Variants in IFTAP observed in about 807,000 individuals in gnomAD.
IFTAP encodes intraflagellar transport-associated protein.
In IFTAP, 19 loss-of-function variants were observed where a neutral mutation model predicts 19.4. The observed-to-expected ratio is 0.98, with a 90% CI of 0.68 to 1.44. IFTAP has a LOEUF of 1.44. IFTAP is among the 40% of genes most tolerant of loss of function. The pLI is 0.00. For synonymous variants in IFTAP, 85 were observed against 83.5 expected (o/e 1.02, Z -0.10); for missense variants, 240 against 253.6 (o/e 0.95, Z 0.36).
intron 2 of IFTAP, among the ~76,000 whole-genome samples, chr11:36,628,043 A>C (rs1391614128): frequency 6.7e-6 from 1 of 149,538 alleles, no homozygotes; most frequent in Non-Finnish European, 1.5e-5. Context: ...TCAGGCCACC[A>C]TAGCTGAAGC....
chr11:36,636,759 T>C (rs913501601), intron 4 of IFTAP, among the ~76,000 whole-genome samples: 6 of 147,286 alleles, frequency 4.1e-5, no homozygotes, highest in African/African-American at 1.6e-4. Flanking sequence ...TGTAAATGTT[T>C]CTTCTGAGGC....
At chr11:36,642,282 A>G (rs11033732) in intron 4 of IFTAP, among the ~76,000 whole-genome samples, 20,575 of 152,156 alleles carry the variant, frequency 0.14, 2,130 homozygotes, top group African/African-American at 0.29. Context: ...TCCTGGACAC[A>G]TACACCCTTC....
At position 36,599,214 on chromosome 11, in the gene IFTAP, A is replaced by T. The variant is rs972975538; in HGVS notation, c.-24+4622A>T. 6.6e-5 allele frequency among the ~76,000 whole-genome samples: 10 copies of T among 152,294 alleles called. No homozygotes were observed. In the South Asian group the frequency reaches 2.1e-3, roughly 32 times the overall value. ...TTGCCATGTTGGCCAGGCTGGTCTCAAACTCCTGACCTTGGGTGACCCACC... is the reference window on the plus strand; with the variant it reads ...TTGCCATGTTGGCCAGGCTGGTCTCTAACTCCTGACCTTGGGTGACCCACC... On this transcript the variant is annotated intron_variant, in intron 1 of 5. Transcript: ENST00000334307.
intron 1 of IFTAP, among the ~76,000 whole-genome samples, chr11:36,606,878 C>T (rs761183975): frequency 3.9e-5 from 6 of 152,150 alleles, no homozygotes; most frequent in Admixed American, 1.3e-4. Flanking sequence ...TAATAGCCAC[C>T]TTTGAGTTTA....
intron 1 of IFTAP, among the ~76,000 whole-genome samples, chr11:36,609,732 G>T (rs1851807640): frequency 6.6e-6 from 1 of 152,114 alleles, no homozygotes; most frequent in Non-Finnish European, 1.5e-5. Flanking sequence ...ATTGCCATTG[G>T]ATGGGTGGTT....
intron 1 of IFTAP, among the ~76,000 whole-genome samples, chr11:36,595,937 G>T (rs1054945841): frequency 6.6e-6 from 1 of 152,138 alleles, no homozygotes; most frequent in African/African-American, 2.4e-5. Flanking sequence ...TATGATGAGG[G>T]TGCTGGTAGT....
intron 2 of IFTAP, among the ~76,000 whole-genome samples, chr11:36,619,859 G>A (rs1852230827): frequency 6.6e-6 from 1 of 152,050 alleles, no homozygotes; most frequent in Admixed American, 6.6e-5. Context: ...GAAAAAAAAG[G>A]CAACTCGGGA....
At chr11:36,657,265 C>T (rs1195433793) in intron 5 of IFTAP, among the ~76,000 whole-genome samples, 2 of 152,118 alleles carry the variant, frequency 1.3e-5, no homozygotes, top group Admixed American at 1.3e-4. Flanking sequence ...GAACAGTTAA[C>T]ATTCAGGAAA....
Position 36,648,063 on chromosome 11 carries a change from A to T in IFTAP, c.406A>T (p.Ile136Phe). The change falls in exon 5 of 6, where the codon ATT (isoleucine) becomes TTT (phenylalanine). Residue 136 changes from isoleucine to phenylalanine, a missense_variant. Transcript: ENST00000334307. ...AGTGGAGCAGGATGTAAGCACCAGC[A>T]TTCCTTCCTGTATCCCTTTTGTGGC... The part of the protein sequence containing the change: ...GEVEQDVSTS[I>F]PSCIPFVAQP... 6.2e-7 allele frequency: 1 copy of T among 1,613,430 alleles called. No individual in the cohort carries two copies. The highest frequency in any genetic ancestry group is 8.5e-7 in the Non-Finnish European group (1 of 1,179,554).
At chr11:36,645,076 C>T (rs745419320) in intron 4 of IFTAP, among the ~76,000 whole-genome samples, 1 of 151,886 alleles carries the variant, frequency 6.6e-6, no homozygotes, top group Non-Finnish European at 1.5e-5. Flanking sequence ...TATTAGGATG[C>T]CCAGACTTTC....
intron 2 of IFTAP, among the ~76,000 whole-genome samples, chr11:36,613,043 G>C (rs1297898017): frequency 1.3e-5 from 2 of 152,036 alleles, no homozygotes; most frequent in Admixed American, 6.6e-5. Flanking sequence ...AATGTTTAAA[G>C]AGACATATTA....
At chr11:36,630,502 A>G (rs546243369) in intron 2 of IFTAP, among the ~76,000 whole-genome samples, 1 of 151,588 alleles carries the variant, frequency 6.6e-6, no homozygotes, top group South Asian at 2.1e-4. Context: ...CTGAGATCCC[A>G]ACAGTAGTTC....
chr11:36,612,906 A>T (rs1851927698), intron 2 of IFTAP, among the ~76,000 whole-genome samples: 1 of 152,082 alleles, frequency 6.6e-6, no homozygotes, highest in Non-Finnish European at 1.5e-5. Flanking sequence ...GGAAACTGTT[A>T]ATATTATAGC....
chr11:36,629,009 T>C (rs1277133421), intron 2 of IFTAP, among the ~76,000 whole-genome samples: 1 of 151,366 alleles, frequency 6.6e-6, no homozygotes, highest in Non-Finnish European at 1.5e-5. Flanking sequence ...ACAAAGCATT[T>C]GTCTGCCGAA....
At chr11:36,636,025 A>T in intron 3 of IFTAP, 26 bp from the exon 4 acceptor site, 10 of 1,537,620 alleles carry the variant, frequency 6.5e-6, no homozygotes, top group Non-Finnish European at 9.0e-6. Flanking sequence ...ATTCTGCTTA[A>T]AAATTATGTT....
At chr11:36,656,498 A>G (rs138500602) in intron 5 of IFTAP, among the ~76,000 whole-genome samples, 1 of 151,958 alleles carries the variant, frequency 6.6e-6, no homozygotes, top group Admixed American at 6.6e-5. Context: ...TGAACCTGGG[A>G]GGCGGAGGTT....
At chr11:36,637,752 A>G (rs1009363025) in intron 4 of IFTAP, among the ~76,000 whole-genome samples, 9 of 152,186 alleles carry the variant, frequency 5.9e-5, no homozygotes, top group Non-Finnish European at 1.3e-4. Flanking sequence ...AATAAATTTC[A>G]TAAGAGGGCA....
chr11:36,597,079 A>G (rs988236196), intron 1 of IFTAP, among the ~76,000 whole-genome samples: 1 of 152,182 alleles, frequency 6.6e-6, no homozygotes, highest in Non-Finnish European at 1.5e-5. Context: ...CTCTTGTAAC[A>G]TGGTTCAAGT....
At chr11:36,614,047 T>G (rs1345930470) in intron 2 of IFTAP, among the ~76,000 whole-genome samples, 1 of 151,848 alleles carries the variant, frequency 6.6e-6, no homozygotes, top group Non-Finnish European at 1.5e-5. Flanking sequence ...TAGGTATATC[T>G]CCCAGTGCTA....
Sources: allele counts gnomAD v4.1 joint callset (sites outside exome capture counted in the v4.1 genomes callset), GRCh38; gene constraint gnomAD v4.1.1; transcripts MANE v1.5; gene names NCBI Gene and HGNC (gene_info 2026-07-23, HGNC 2026-07-21).